Variants in PRIM2 observed in about 807,000 individuals in gnomAD.
PRIM2 encodes DNA primase large subunit.
Under a neutral mutation model 67.3 loss-of-function variants are expected in PRIM2, and 39 were observed. The observed-to-expected ratio is 0.58, with a 90% CI of 0.45 to 0.76. The LOEUF (loss-of-function observed/expected upper bound fraction) is 0.76, where lower values mean the gene tolerates loss of function less well. Ranked by LOEUF, PRIM2 falls within the 30% of genes least tolerant of loss-of-function variation. The pLI is 0.00. For synonymous variants in PRIM2, 143 were observed against 198.7 expected (o/e 0.72, Z 2.36); for missense variants, 398 against 598.7 (o/e 0.66, Z 3.50).
the PRIM2 span, among the ~76,000 whole-genome samples, chr6:57,285,787 G>A: frequency 6.6e-6 from 1 of 152,076 alleles, no homozygotes; most frequent in Non-Finnish European, 1.5e-5. Flanking sequence ...AAGAAATAAA[G>A]GTATTCAAAT....
intron 7 of PRIM2, among the ~76,000 whole-genome samples, chr6:57,395,418 A>G (rs1037151692): frequency 6.6e-6 from 1 of 152,162 alleles, no homozygotes; most frequent in Non-Finnish European, 1.5e-5. Flanking sequence ...GAATTTATCC[A>G]TCTCTTCTAG....
chr6:57,334,681 G>A (rs930854915), intron 5 of PRIM2, among the ~76,000 whole-genome samples: 2 of 152,026 alleles, frequency 1.3e-5, no homozygotes, highest in Middle Eastern at 3.2e-3. Context: ...GGATAATAAC[G>A]ATTTTCACCT....
chr6:57,269,746 G>T, the PRIM2 span, among the ~76,000 whole-genome samples: 2 of 152,078 alleles, frequency 1.3e-5, no homozygotes, highest in South Asian at 4.1e-4. Context: ...TTTTCTTCTA[G>T]GGTTTTTACG....
chr6:57,294,082 A>G, the PRIM2 span, among the ~76,000 whole-genome samples: 10 of 152,344 alleles, frequency 6.6e-5, no homozygotes, highest in East Asian at 1.9e-3. Context: ...ATAGTCATGC[A>G]ATGGAATACT....
At chr6:57,564,428 A>G (rs1775697121) in intron 10 of PRIM2, among the ~76,000 whole-genome samples, 2 of 152,208 alleles carry the variant, frequency 1.3e-5, no homozygotes, top group Non-Finnish European at 2.9e-5. Flanking sequence ...GCATTGAAAC[A>G]TGTAATGTAT....
chr6:57,416,349 T>C lies in PRIM2; in HGVS notation c.693+34181T>C, dbSNP rs570971125. Among the ~76,000 whole-genome samples the C allele has an allele frequency of 2.0e-5, 3 of 152,258 alleles. No homozygotes were observed. In the South Asian group the frequency reaches 6.2e-4, roughly 32 times the overall value. ...GGTCTCAACAGTGGGCTTAAAATAT[T>C]CAGTAAACTATGCTGTAAACGCATG... is the stretch of plus-strand genomic sequence containing the variant. On this transcript the variant is annotated intron_variant, in intron 7 of 13. Transcript: ENST00000615550.
intron 7 of PRIM2, among the ~76,000 whole-genome samples, chr6:57,410,954 G>T (rs4715680): frequency 1.3e-5 from 2 of 151,736 alleles, no homozygotes; most frequent in South Asian, 2.1e-4. Flanking sequence ...ATGTGATATA[G>T]CTTGGATATT....
At chr6:57,358,158 T>C (rs544564982) in intron 5 of PRIM2, among the ~76,000 whole-genome samples, 1 of 152,350 alleles carries the variant, frequency 6.6e-6, no homozygotes, top group Admixed American at 6.5e-5. Flanking sequence ...GTTTAAATTC[T>C]CAGTTGTTTG....
chr6:57,616,832 TCTG>T (rs1459321105), intron 12 of PRIM2, among the ~76,000 whole-genome samples: 1 of 152,236 alleles, frequency 6.6e-6, no homozygotes, highest in Non-Finnish European at 1.5e-5. Context: ...AAACCAATAA[TCTG>T]CTTTCTATCT....
At chr6:57,443,772 C>A (rs1256133546) in intron 7 of PRIM2, among the ~76,000 whole-genome samples, 1 of 151,724 alleles carries the variant, frequency 6.6e-6, no homozygotes, top group Non-Finnish European at 1.5e-5. Context: ...TTGATGTAAT[C>A]CCAGTTGTCT....
At chr6:57,375,676 T>C (rs1283683233) in intron 5 of PRIM2, among the ~76,000 whole-genome samples, 2 of 151,512 alleles carry the variant, frequency 1.3e-5, no homozygotes, top group Admixed American at 6.6e-5. Context: ...CTCAGCCTTT[T>C]TTTTTTTTTT....
chr6:57,268,221 A>G, the PRIM2 span, among the ~76,000 whole-genome samples: 4 of 152,128 alleles, frequency 2.6e-5, no homozygotes, highest in African/African-American at 9.7e-5. Flanking sequence ...AAAAAACCAC[A>G]TTTTGTTCCC....
chr6:57,633,415 T>C (rs1263360738), intron 13 of PRIM2, among the ~76,000 whole-genome samples: 5 of 152,356 alleles, frequency 3.3e-5, no homozygotes, highest in South Asian at 2.1e-4. Flanking sequence ...TCAGCTACCA[T>C]GCTAAAGTTT....
chr6:57,633,520 CAT>C (rs1441922342), intron 13 of PRIM2, among the ~76,000 whole-genome samples: 5 of 151,916 alleles, frequency 3.3e-5, no homozygotes, highest in African/African-American at 4.8e-5. Flanking sequence ...TAAAATATCT[CAT>C]AGGAAAAAGA....
chr6:57,500,117 C>T (rs1774100433), intron 7 of PRIM2, among the ~76,000 whole-genome samples: 4 of 152,194 alleles, frequency 2.6e-5, no homozygotes, highest in South Asian at 2.1e-4. Context: ...TCTTCCCCTT[C>T]TCTGATAGTC....
At chr6:57,311,606 T>A (rs1467635527), upstream of PRIM2, among the ~76,000 whole-genome samples, 1 of 152,162 alleles carries the variant, frequency 6.6e-6, no homozygotes, top group Non-Finnish European at 1.5e-5. Flanking sequence ...GCAGAGACGC[T>A]GCTCACTTCC....
chr6:57,639,411 C>T lies in PRIM2; in HGVS notation c.1300-6517C>T, dbSNP rs1777185228. Among the ~76,000 whole-genome samples the T allele has an allele frequency of 2.0e-5, 3 of 151,852 alleles. No homozygotes were observed. In the South Asian group the frequency reaches 6.3e-4, roughly 32 times the overall value. On this transcript the variant is annotated intron_variant, in intron 13 of 13. Coordinates refer to ENST00000615550, the MANE Select transcript of PRIM2 (RefSeq NM_000947.5). ...AGAAATAACTAAGATCTGGGCAGAA[C>T]TGAAGGAGATAGAGACACAAAAAAC...
At chr6:57,424,204 C>G (rs545574559) in intron 7 of PRIM2, among the ~76,000 whole-genome samples, 1 of 152,186 alleles carries the variant, frequency 6.6e-6, no homozygotes, top group East Asian at 1.9e-4. Context: ...TGTTAGCTGT[C>G]TGGAGCTTAA....
In PRIM2 at chr6:57,374,055, G is replaced by A. The variant is rs116781582; in HGVS notation, c.460-5846G>A. Among the ~76,000 whole-genome samples, 737 of 152,130 alleles carry A rather than the reference G, an allele frequency of 4.8e-3. 5 individuals are homozygous for A. Among genetic ancestry groups the A allele is most frequent in the African/African-American group, 0.017 (700 of 41,488 alleles). ...CATCAGACAGTATGGACATTTTCAT[G>A]ATACTGATTCTTTCTATCCATGAGC... is the stretch of plus-strand genomic sequence containing the variant. On this transcript the variant is annotated intron_variant, in intron 5 of 13. Coordinates refer to ENST00000615550, the MANE Select transcript of PRIM2 (RefSeq NM_000947.5).
Sources: gnomAD v4.1 joint callset for allele counts (sites outside exome capture counted in the v4.1 genomes callset) on GRCh38, gnomAD v4.1.1 for gene constraint, MANE v1.5 for transcripts, NCBI Gene and HGNC (gene_info 2026-07-23, HGNC 2026-07-21) for gene names.